Variants in FANCD2 observed in about 807,000 individuals in gnomAD.
FANCD2 encodes the protein FA complementation group D2.
A neutral mutation model predicts 192.3 loss-of-function variants in FANCD2; 131 were observed. The observed-to-expected ratio is 0.68, with a 90% CI of 0.59 to 0.79. The LOEUF (loss-of-function observed/expected upper bound fraction) is 0.79, where lower values mean the gene tolerates loss of function less well. Ranked by LOEUF, FANCD2 falls within the 30% of genes least tolerant of loss-of-function variation. The probability of loss-of-function intolerance (pLI) is 0.00; values close to 1 mark genes in which losing one functional copy is unlikely to be tolerated. For missense variants in FANCD2, 1,508 were observed against 1,701.6 expected, an observed-to-expected ratio of 0.89 and a Z score of 2.00; for synonymous variants, 524 against 612.5, an observed-to-expected ratio of 0.86 and a Z score of 2.13.
At position 10,039,714 on chromosome 3, in the gene FANCD2, A is replaced by T. The variant is rs1446770451; in HGVS notation, c.571-7A>T. ...TGCTGCAGTTCTAATAGTGTCTTCTACTGCAGGACCTCACCACCAAGATCA... is the reference window on the plus strand; with the variant it reads ...TGCTGCAGTTCTAATAGTGTCTTCTTCTGCAGGACCTCACCACCAAGATCA... On this transcript the variant is annotated splice_region_variant and splice_polypyrimidine_tract_variant and intron_variant, in intron 8 of 43. Transcript: ENST00000675286. The T allele has an allele frequency of 6.2e-7, 1 of 1,614,018 alleles. No homozygotes were observed. The highest frequency in any genetic ancestry group is 8.5e-7 in the Non-Finnish European group (1 of 1,179,992).
chr3:10,032,816 A>G lies in FANCD2; in HGVS notation c.65-16A>G. Reference sequence around the variant, plus strand: ...TTTACTATTTGCCATATTCTTGAAAATTTTTCTATTTTCAGAAACCAGGAA... The same window carrying G: ...TTTACTATTTGCCATATTCTTGAAAGTTTTTCTATTTTCAGAAACCAGGAA... On this transcript the variant is annotated splice_polypyrimidine_tract_variant and intron_variant, in intron 2 of 43. Coordinates refer to ENST00000675286, the MANE Select transcript of FANCD2 (RefSeq NM_001018115.3). 6.2e-7 allele frequency: 1 copy of G among 1,607,766 alleles called. No homozygotes were observed. Among genetic ancestry groups the G allele is most frequent in the African/African-American group, 1.3e-5 (1 of 74,700 alleles).
intron 25 of FANCD2, among the ~76,000 whole-genome samples, chr3:10,066,860 G>T (rs2125038470): frequency 6.6e-6 from 1 of 152,260 alleles, no homozygotes; most frequent in South Asian, 2.1e-4. Flanking sequence ...TAGTAGCTGG[G>T]ATTACAGATG....
chr3:10,027,853 C>T (rs1429876959), intron 1 of FANCD2, among the ~76,000 whole-genome samples: 5 of 144,152 alleles, frequency 3.5e-5, no homozygotes, highest in South Asian at 4.3e-4. Context: ...TGCAGTGAGC[C>T]GAGGCTGCAC....
chr3:10,087,926 C>A (rs892183134), intron 34 of FANCD2, among the ~76,000 whole-genome samples: 1 of 152,120 alleles, frequency 6.6e-6, no homozygotes, highest in Non-Finnish European at 1.5e-5. Context: ...GGATTACAGA[C>A]GTGAGCCACT....
intron 42 of FANCD2, 80 bp downstream of exon 42, chr3:10,096,552 C>G: frequency 7.4e-7 from 1 of 1,344,024 alleles, no homozygotes; most frequent in Non-Finnish European, 1.1e-6. Context: ...AGGAAGGTCA[C>G]CTAAGCCCTC....
intron 18 of FANCD2, 139 bp from the exon 19 acceptor site, chr3:10,060,155 G>A (rs1270871908): frequency 1.6e-5 from 10 of 628,282 alleles, no homozygotes; most frequent in East Asian, 2.8e-5. Context: ...CAACAAGAAC[G>A]AAAGTCCGTC....
intron 3 of FANCD2, among the ~76,000 whole-genome samples, chr3:10,033,689 A>G (rs1426184074): frequency 7.2e-6 from 1 of 138,332 alleles, no homozygotes; most frequent in Non-Finnish European, 1.5e-5. Context: ...TCTGCTATCA[A>G]AGCTAAGTCT....
chr3:10,042,362 A>G (rs927756170), intron 10 of FANCD2, among the ~76,000 whole-genome samples, 197 bp from the exon 11 acceptor site: 1 of 152,200 alleles, frequency 6.6e-6, no homozygotes, highest in African/African-American at 2.4e-5. Context: ...TTGCCCGTCT[A>G]TTTTTGATGA....
chr3:10,035,351 C>A, intron 6 of FANCD2, 118 bp downstream of exon 6: 3 of 861,010 alleles, frequency 3.5e-6, no homozygotes, highest in Non-Finnish European at 3.9e-6. Flanking sequence ...GGGTTTGTAG[C>A]AGCTTTAGCA....
intron 14 of FANCD2, chr3:10,045,490 G>C (rs1192887915): frequency 2.0e-5 from 3 of 151,394 alleles, no homozygotes; most frequent in Non-Finnish European, 4.4e-5. Flanking sequence ...CCTGATGACT[G>C]TGTAATATTC....
chr3:10,047,645 T>C (rs1309575937), intron 15 of FANCD2, among the ~76,000 whole-genome samples: 9 of 152,290 alleles, frequency 5.9e-5, no homozygotes, highest in African/African-American at 2.2e-4. Flanking sequence ...CAATCCCAAA[T>C]TGAGCAGATA....
At chr3:10,027,810 C>G (rs1346874235) in intron 1 of FANCD2, among the ~76,000 whole-genome samples, 1 of 148,046 alleles carries the variant, frequency 6.8e-6, no homozygotes, top group African/African-American at 2.5e-5. Flanking sequence ...GAAGCTGAGG[C>G]AGGAGAATGG....
At chr3:10,044,786 C>T (rs1457425621) in intron 14 of FANCD2, among the ~76,000 whole-genome samples, 1 of 152,192 alleles carries the variant, frequency 6.6e-6, no homozygotes, top group Non-Finnish European at 1.5e-5. Context: ...TATCAAAGTA[C>T]TCCAACACAC....
rs766532127 is a variant in FANCD2 at position 10,041,685 on chromosome 3, G to A, written c.758G>A (p.Arg253Gln). The part of the protein sequence containing the change: ...VPILDVLSSL[R>Q]LDPNFLLKVR... ...ATCCTGGATGTCCTTTCAAGCCTCC[G>A]ACTTGACCCAAACTTCCTATTGAAG... The change falls in exon 10 of 44, where the codon CGA becomes CAA. Residue 253 changes from arginine to glutamine, a missense_variant. Transcript: ENST00000675286. The A allele has an allele frequency of 1.7e-5, 27 of 1,613,608 alleles. No homozygotes were observed. Among genetic ancestry groups the A allele is most frequent in the Non-Finnish European group, 2.1e-5 (25 of 1,179,858 alleles).
At chr3:10,052,191 G>C (rs2087238538) in intron 17 of FANCD2, among the ~76,000 whole-genome samples, 196 bp from the exon 18 acceptor site, 1 of 152,128 alleles carries the variant, frequency 6.6e-6, no homozygotes, top group African/African-American at 2.4e-5. Context: ...AATTTTCCCA[G>C]TTTATATCCA....
At chr3:10,031,095 T>C (rs2086580396) in intron 2 of FANCD2, among the ~76,000 whole-genome samples, 1 of 152,178 alleles carries the variant, frequency 6.6e-6, no homozygotes, top group Non-Finnish European at 1.5e-5. Flanking sequence ...TTAGAAGGGA[T>C]TTGGGTTCTC....
Position 10,073,460 on chromosome 3 carries a change from T to A in FANCD2, c.2715+98T>A, listed in dbSNP as rs1468576204. On this transcript the variant is annotated intron_variant, in intron 28 of 43. Transcript: ENST00000675286. ...CGGCATTTTACAAAGAAAAAAAAAT[T>A]AGGAAACAGCGAGCCAAAACTCTCT... 7 of 1,009,842 alleles carry A rather than the reference T, an allele frequency of 6.9e-6. No individual in the cohort carries two copies. In the East Asian group the frequency reaches 1.7e-4, roughly 24 times the overall value. 62.6% of individuals were successfully genotyped at this position (1,009,842 alleles called of 1,614,324 possible). A position where few individuals can be genotyped will look rare whatever the true frequency, so the allele number is the denominator to read the frequency against.
intron 38 of FANCD2, among the ~76,000 whole-genome samples, chr3:10,092,884 G>T (rs1445094284): frequency 1.3e-5 from 2 of 151,568 alleles, no homozygotes; most frequent in African/African-American, 2.4e-5. Flanking sequence ...TGGAAACAGG[G>T]TCTCATTCTG....
intron 18 of FANCD2, chr3:10,058,035 C>T (rs766340368): frequency 1.7e-5 from 8 of 465,840 alleles, no homozygotes; most frequent in East Asian, 5.1e-5. Flanking sequence ...TTCTTAATTC[C>T]GGCAAAGATC....
Sources: allele counts gnomAD v4.1 joint callset (sites outside exome capture counted in the v4.1 genomes callset), GRCh38; gene constraint gnomAD v4.1.1; transcripts MANE v1.5; gene names NCBI Gene and HGNC (gene_info 2026-07-23, HGNC 2026-07-21).